Variants in RCOR1 observed in about 807,000 individuals in gnomAD.
RCOR1 encodes the protein REST corepressor.
A neutral mutation model predicts 64.0 loss-of-function variants in RCOR1; 12 were observed. The ratio of observed to expected loss-of-function variants is 0.19; its 90% confidence interval spans 0.12 to 0.30. RCOR1 has a LOEUF of 0.30. Among genes scored for constraint, RCOR1 ranks in the 10% least tolerant of loss-of-function variants. RCOR1 has a pLI of 1.00. For synonymous variants in RCOR1, 279 were observed against 227.2 expected (o/e 1.23, Z -2.05); for missense variants, 502 against 621.2 (o/e 0.81, Z 2.04).
chr14:102,656,434 C>T (rs540141292), intron 2 of RCOR1, among the ~76,000 whole-genome samples: 8 of 151,610 alleles, frequency 5.3e-5, no homozygotes, highest in South Asian at 4.2e-4. Flanking sequence ...CACGGTGTCC[C>T]GCCAAGCTGA....
chr14:102,592,861 C>T lies in RCOR1; in HGVS notation c.-26C>T. ...CCTCAGGAGCCGCGGGTCCCCGCCACTTTCGCACGGCCCCGGCCCCCGCCG... is the reference window on the plus strand; with the variant it reads ...CCTCAGGAGCCGCGGGTCCCCGCCATTTTCGCACGGCCCCGGCCCCCGCCG... On this transcript the variant is annotated 5_prime_UTR_variant, in exon 1 of 12. Coordinates refer to ENST00000262241, the MANE Select transcript of RCOR1 (RefSeq NM_015156.4). 2.5e-6 allele frequency: 3 copies of T among 1,184,796 alleles called. No individual in the cohort carries two copies. Among genetic ancestry groups the T allele is most frequent in the Non-Finnish European group, 3.1e-6 (3 of 960,190 alleles). The allele number at this position is 1,184,796 out of a possible 1,614,324, so 73.4% of individuals were successfully genotyped here. A position where few individuals can be genotyped will look rare whatever the true frequency, so the allele number is the denominator to read the frequency against.
At chr14:102,614,224 CTT>C (rs5811076) in intron 2 of RCOR1, among the ~76,000 whole-genome samples, 4,175 of 106,168 alleles carry the variant, frequency 0.039, 60 homozygotes, top group Middle Eastern at 0.051. Context: ...ACATCTGGCT[CTT>C]TTTTTTTTTT....
rs1250798062 is a variant in RCOR1, at chr14:102,606,665, C to T, written c.361+13340C>T. Among the ~76,000 whole-genome samples, 7 of 150,794 alleles carry T rather than the reference C, an allele frequency of 4.6e-5. No homozygotes were observed. The Admixed American group carries it at 4.6e-4, about 10-fold the overall frequency. On this transcript the variant is annotated intron_variant, in intron 2 of 11. Transcript: ENST00000262241. Reference sequence around the variant, plus strand: ...TTTTGGAGGGGAGATAGGGTCTCACCCTGTCCCCCAGGCTGGAGTGCAGTG... The same window carrying T: ...TTTTGGAGGGGAGATAGGGTCTCACTCTGTCCCCCAGGCTGGAGTGCAGTG...
At chr14:102,601,303 G>A (rs572565362) in intron 2 of RCOR1, among the ~76,000 whole-genome samples, 4 of 152,246 alleles carry the variant, frequency 2.6e-5, no homozygotes, top group Non-Finnish European at 5.9e-5. Flanking sequence ...TTGAGCCACC[G>A]CACCCGACCA....
Position 102,593,103 on chromosome 14 carries a change from T to G in RCOR1, c.217T>G (p.Leu73Val). ...CCCCAATAATGGCCAGAATAAAAGT[T>G]TGGCGGCGGCGGCGCCCAATGGCAA... ...AAPNNGQNKS[L>V]AAAAPNGNSS... The change falls in exon 1 of 12, where the codon TTG becomes GTG. Residue 73 changes from leucine (L) to valine (V), a missense_variant. Physicochemically the swap from Leu to Val is conservative, Grantham distance 32. Transcript: ENST00000262241. 6.7e-7 allele frequency: 1 copy of G among 1,500,242 alleles called. No individual in the cohort carries two copies. Among genetic ancestry groups the G allele is most frequent in the Non-Finnish European group, 8.9e-7 (1 of 1,128,154 alleles). 92.9% of individuals were successfully genotyped at this position (1,500,242 alleles called of 1,614,324 possible). A position where few individuals can be genotyped will look rare whatever the true frequency, so the allele number is the denominator to read the frequency against.
intron 2 of RCOR1, among the ~76,000 whole-genome samples, chr14:102,595,725 G>A (rs1490676827): frequency 1.3e-5 from 2 of 151,714 alleles, no homozygotes; most frequent in Non-Finnish European, 2.9e-5. Context: ...GACTACAGGC[G>A]CCCACCAACA....
intron 3 of RCOR1, among the ~76,000 whole-genome samples, chr14:102,684,746 A>G (rs1012456429): frequency 1.3e-5 from 2 of 152,200 alleles, no homozygotes; most frequent in Non-Finnish European, 2.9e-5. Context: ...GTATTTATAT[A>G]AGTGAGATGA....
At chr14:102,688,006 G>C (rs1243315126) in intron 3 of RCOR1, among the ~76,000 whole-genome samples, 2 of 142,994 alleles carry the variant, frequency 1.4e-5, no homozygotes, top group Non-Finnish European at 3.0e-5. Flanking sequence ...TCGCTCTGTT[G>C]CCCATGCTGG....
intron 2 of RCOR1, among the ~76,000 whole-genome samples, chr14:102,665,193 T>C (rs1050969802): frequency 6.6e-6 from 1 of 152,048 alleles, no homozygotes; most frequent in Non-Finnish European, 1.5e-5. Flanking sequence ...TTAGTAGAGA[T>C]AGAGTTTCTC....
At chr14:102,600,150 G>C (rs932313452) in intron 2 of RCOR1, among the ~76,000 whole-genome samples, 2 of 152,004 alleles carry the variant, frequency 1.3e-5, no homozygotes, top group African/African-American at 2.4e-5. Context: ...GCAGTGGCGC[G>C]ATCTCAGCTC....
rs1311066619 is a variant in RCOR1, at chr14:102,727,379, G to T, written c.*873G>T. ...GTGCCTTCTCCTTTTGGCAACCATG[G>T]TTATCAATCCTTTTTCTGTTTTAGT... On this transcript the variant is annotated 3_prime_UTR_variant, in exon 12 of 12. Coordinates refer to ENST00000262241, the MANE Select transcript of RCOR1 (RefSeq NM_015156.4). 1 of 149,578 alleles carries T rather than the reference G, an allele frequency of 6.7e-6. No homozygotes were observed. Among genetic ancestry groups the T allele is most frequent in the Non-Finnish European group, 1.5e-5 (1 of 67,744 alleles). 9.3% of individuals were successfully genotyped at this position (149,578 alleles called of 1,614,324 possible). A position where few individuals can be genotyped will look rare whatever the true frequency, so the allele number is the denominator to read the frequency against.
Position 102,722,355 on chromosome 14 carries a change from GTA to G in RCOR1, c.1359_1360del (p.Ser453ArgfsTer10). ...GGTAAAGAAGAGACCAATGGGCCCAGTAACCAGAAGCCTGTGAAGTCCCCAGA... is the reference window on the plus strand; with the variant it reads ...GGTAAAGAAGAGACCAATGGGCCCAGACCAGAAGCCTGTGAAGTCCCCAGA... On this transcript the variant is annotated frameshift_variant, in exon 11 of 12. Transcript: ENST00000262241. LOFTEE classifies it high-confidence loss of function. 1 of 1,614,172 alleles carries G rather than the reference GTA, an allele frequency of 6.2e-7. No individual in the cohort carries two copies. Among genetic ancestry groups the G allele is most frequent in the Non-Finnish European group, 8.5e-7 (1 of 1,180,034 alleles).
At chr14:102,680,673 T>C (rs888492189) in intron 2 of RCOR1, among the ~76,000 whole-genome samples, 2 of 152,014 alleles carry the variant, frequency 1.3e-5, no homozygotes, top group Non-Finnish European at 2.9e-5. Flanking sequence ...GGTGTGGTGG[T>C]GCACACCTGT....
rs781137761 is a variant in RCOR1 at position 102,707,387 on chromosome 14, G to A, written c.535G>A (p.Glu179Lys). Reference protein sequence around the residue: ...GMLFWHKHNIEKSLADLPNFT... With the variant: ...GMLFWHKHNIKKSLADLPNFT... ...GCTCTTCTGGCATAAACATAATATC[G>A]AAAAGTCATTGGCTGATTTGCCCAA... The change falls in exon 5 of 12, where the codon GAA becomes AAA. Residue 179 changes from glutamate to lysine, a missense_variant. Coordinates refer to ENST00000262241, the MANE Select transcript of RCOR1 (RefSeq NM_015156.4). 4.3e-6 allele frequency: 7 copies of A among 1,611,826 alleles called. No homozygotes were observed. The highest frequency in any genetic ancestry group is 2.2e-5 in the East Asian group (1 of 44,704).
intron 4 of RCOR1, among the ~76,000 whole-genome samples, chr14:102,706,132 A>AAAC (rs1567442094): frequency 2.0e-5 from 3 of 147,706 alleles, no homozygotes; most frequent in African/African-American, 7.7e-5. Flanking sequence ...AAAAAAAAAA[A>AAAC]AAAAAAAAAA....
At chr14:102,714,075 C>G (rs1158927631) in intron 7 of RCOR1, among the ~76,000 whole-genome samples, 2 of 152,208 alleles carry the variant, frequency 1.3e-5, no homozygotes, top group Admixed American at 1.3e-4. Context: ...TAGCTAAATA[C>G]AGATGTGTGT....
chr14:102,673,488 T>C (rs916221719), intron 2 of RCOR1, among the ~76,000 whole-genome samples: 1 of 148,662 alleles, frequency 6.7e-6, no homozygotes, highest in South Asian at 2.2e-4. Context: ...AGTCGCCCAC[T>C]ACCATGCCCG....
intron 8 of RCOR1, among the ~76,000 whole-genome samples, chr14:102,718,739 T>C (rs1896117963): frequency 6.6e-6 from 1 of 152,124 alleles, no homozygotes; most frequent in Non-Finnish European, 1.5e-5. Context: ...GGCAGTAATC[T>C]CTGTTTTTTT....
intron 2 of RCOR1, among the ~76,000 whole-genome samples, chr14:102,639,441 T>TA (rs1238958519): frequency 1.3e-5 from 2 of 151,362 alleles, no homozygotes; most frequent in African/African-American, 4.8e-5. Context: ...CCCCCTCCAG[T>TA]AGCTGGGAAT....
Sources: gnomAD v4.1 joint callset for allele counts (sites outside exome capture counted in the v4.1 genomes callset) on GRCh38, gnomAD v4.1.1 for gene constraint, MANE v1.5 for transcripts, NCBI Gene and HGNC (gene_info 2026-07-23, HGNC 2026-07-21) for gene names.